Variants in ABAT observed in about 807,000 individuals in gnomAD.
ABAT encodes the protein 4-aminobutyrate aminotransferase, mitochondrial.
ABAT carries 45 observed loss-of-function variants against 64.6 expected under a neutral mutation model. The observed-to-expected ratio is 0.70, with a 90% CI of 0.55 to 0.89. ABAT has a LOEUF of 0.89. Ranked by LOEUF, ABAT falls within the 40% of genes least tolerant of loss-of-function variation. The pLI, the probability that ABAT is intolerant of heterozygous loss-of-function variation, is 0.00. For synonymous variants in ABAT, 297 were observed against 250.5 expected, an observed-to-expected ratio of 1.19 and a Z score of -1.75; for missense variants, 633 against 658.4, an observed-to-expected ratio of 0.96 and a Z score of 0.42.
chr16:8,732,359 G>A (rs2142333992), intron 1 of ABAT, among the ~76,000 whole-genome samples: 1 of 150,938 alleles, frequency 6.6e-6, no homozygotes, highest in East Asian at 1.9e-4. Context: ...CTAGGCAGAG[G>A]ACCCTGCGGC....
intron 2 of ABAT, among the ~76,000 whole-genome samples, chr16:8,737,791 G>A (rs1344984853): frequency 6.7e-6 from 1 of 149,780 alleles, no homozygotes. Flanking sequence ...AGCCGGGTGT[G>A]GTGGCAGGCA....
Position 8,750,490 on chromosome 16 carries a change from C to G in ABAT, c.267C>G (p.Asp89Glu). 6.2e-7 allele frequency: 1 copy of G among 1,614,126 alleles called. No homozygotes were observed. The highest frequency in any genetic ancestry group is 1.3e-5 in the African/African-American group (1 of 75,046). ...ESRGNYLVDVDGNRMLDLYSQ... is the reference protein window; with the variant it reads ...ESRGNYLVDVEGNRMLDLYSQ... ...GAGGCAATTACCTGGTTGATGTGGA[C>G]GGCAACCGAATGCTGGATCTTTATT... The change falls in exon 5 of 16, where the codon GAC (aspartate) becomes GAG (glutamate). Residue 89 changes from aspartate to glutamate, a missense_variant. Transcript: ENST00000268251.
At chr16:8,706,404 C>A (rs55853812) in intron 1 of ABAT, among the ~76,000 whole-genome samples, 449 of 94,696 alleles carry the variant, frequency 4.7e-3, no homozygotes, top group African/African-American at 7.7e-3. Flanking sequence ...GACCCTGTTT[C>A]AAAAAAAAAA....
At chr16:8,738,348 C>G in intron 2 of ABAT, 1 of 452,214 alleles carries the variant, frequency 2.2e-6, no homozygotes, top group Non-Finnish European at 4.4e-6. Flanking sequence ...TTTAAAGACA[C>G]TAAGAAACTG....
At chr16:8,755,976 G>T (rs2059638165) in intron 5 of ABAT, among the ~76,000 whole-genome samples, 1 of 152,098 alleles carries the variant, frequency 6.6e-6, no homozygotes, top group South Asian at 2.1e-4. Flanking sequence ...GTGAACCCAG[G>T]AGGCGGAGCT....
chr16:8,699,516 C>A (rs1342466908), intron 1 of ABAT, among the ~76,000 whole-genome samples: 1 of 152,030 alleles, frequency 6.6e-6, no homozygotes. Context: ...CGAGGTCGTG[C>A]CATTGCAATC....
At chr16:8,706,730 G>A (rs1172667951) in intron 1 of ABAT, among the ~76,000 whole-genome samples, 2 of 152,150 alleles carry the variant, frequency 1.3e-5, no homozygotes, top group South Asian at 4.1e-4. Context: ...AGATACTCAT[G>A]CAAATAAATG....
intron 1 of ABAT, among the ~76,000 whole-genome samples, chr16:8,679,920 A>G (rs1439825545): frequency 1.3e-5 from 2 of 152,044 alleles, no homozygotes; most frequent in Admixed American, 1.3e-4. Context: ...CTTTCTCTAG[A>G]CACTCCACAC....
chr16:8,757,729 G>A (rs2059687589), intron 5 of ABAT, 28 bp from the exon 6 acceptor site: 1 of 1,612,414 alleles, frequency 6.2e-7, no homozygotes, highest in Non-Finnish European at 8.5e-7. Flanking sequence ...ATGCAATGAG[G>A]TCTCTAACAA....
In ABAT at chr16:8,747,881, G is replaced by T. The variant is rs111928807; in HGVS notation, c.169-227G>T. ...TTTAGTTTATTTTATCTTTCAGGTG[G>T]CTGAATTTCCAGCCTGTCTATCGTA... On this transcript the variant is annotated intron_variant, in intron 3 of 15. Transcript: ENST00000268251. 0.03 allele frequency among the ~76,000 whole-genome samples: 4,619 copies of T among 151,990 alleles called. 215 individuals carry two copies. Among genetic ancestry groups the T allele is most frequent in the African/African-American group, 0.1 (4,330 of 41,422 alleles).
intron 1 of ABAT, among the ~76,000 whole-genome samples, chr16:8,733,579 C>G (rs184498274): frequency 2.0e-5 from 3 of 151,974 alleles, no homozygotes; most frequent in Non-Finnish European, 2.9e-5. Context: ...TCTGTAATCC[C>G]GGCACCTCGG....
intron 1 of ABAT, among the ~76,000 whole-genome samples, chr16:8,717,092 C>A (rs920849943): frequency 1.3e-5 from 2 of 152,126 alleles, no homozygotes; most frequent in South Asian, 4.1e-4. Context: ...GAGTTTGAGA[C>A]CAGCCTGACC....
chr16:8,756,983 G>A (rs1038401320), intron 5 of ABAT, among the ~76,000 whole-genome samples: 10 of 152,090 alleles, frequency 6.6e-5, no homozygotes, highest in African/African-American at 2.4e-4. Flanking sequence ...TGAGGCATGC[G>A]GGTCACAGAT....
intron 6 of ABAT, among the ~76,000 whole-genome samples, chr16:8,759,180 C>G (rs1184057528): frequency 2.0e-5 from 3 of 152,100 alleles, no homozygotes; most frequent in African/African-American, 7.2e-5. Flanking sequence ...ATGCACCACT[C>G]AATGAATTTC....
chr16:8,694,232 C>T (rs949057225), intron 1 of ABAT, among the ~76,000 whole-genome samples: 47 of 149,930 alleles, frequency 3.1e-4, no homozygotes, highest in Admixed American at 2.1e-3. Flanking sequence ...AGGGTTTCAC[C>T]GTGTTAGCCA....
chr16:8,754,115 C>A (rs1242739136), intron 5 of ABAT, among the ~76,000 whole-genome samples: 1 of 135,700 alleles, frequency 7.4e-6, no homozygotes, highest in Non-Finnish European at 1.5e-5. Context: ...GAAGCCAAGA[C>A]AGGAAAATAG....
chr16:8,757,467 G>T (rs72770147), intron 5 of ABAT, among the ~76,000 whole-genome samples: 1 of 151,832 alleles, frequency 6.6e-6, no homozygotes, highest in African/African-American at 2.4e-5. Context: ...CACACGTGGC[G>T]CATTTATCTC....
chr16:8,750,570 A>G, intron 5 of ABAT, 31 bp downstream of exon 5: 2 of 1,592,640 alleles, frequency 1.3e-6, no homozygotes, highest in South Asian at 2.2e-5. Flanking sequence ...CCTTGGATAT[A>G]ACCTCTGTTT....
intron 2 of ABAT, chr16:8,737,415 G>A (rs1241615305): frequency 6.6e-6 from 1 of 151,992 alleles, no homozygotes; most frequent in African/African-American, 2.4e-5. Flanking sequence ...AGGTAGAGGT[G>A]GCAGTGAGCT....
Sources: allele counts gnomAD v4.1 joint callset (sites outside exome capture counted in the v4.1 genomes callset), GRCh38; gene constraint gnomAD v4.1.1; transcripts MANE v1.5; gene names NCBI Gene and HGNC (gene_info 2026-07-23, HGNC 2026-07-21).